The following MYO16 variants were observed in gnomAD, a reference collection of about 807,000 sequenced individuals.
The protein encoded by MYO16 is myosin XVI, also known as unconventional myosin-XVI.
MYO16 carries 94 observed loss-of-function variants against 205.3 expected under a neutral mutation model. The observed-to-expected ratio is 0.46, with a 90% CI of 0.39 to 0.54. MYO16 has a LOEUF of 0.54. MYO16 is among the 20% of genes least tolerant of loss of function. The probability of loss-of-function intolerance (pLI) is 0.00; values close to 1 mark genes in which losing one functional copy is unlikely to be tolerated. For synonymous variants in MYO16, 988 were observed against 954.0 expected, an observed-to-expected ratio of 1.04 and a Z score of -0.66; for missense variants, 2,315 against 2,387.5, an observed-to-expected ratio of 0.97 and a Z score of 0.63.
chr13:108,835,363 T>C (rs1439274449), intron 9 of MYO16, among the ~76,000 whole-genome samples: 1 of 152,204 alleles, frequency 6.6e-6, no homozygotes, highest in African/African-American at 2.4e-5. Context: ...CTGCAATTAT[T>C]GTAATTTTCC....
chr13:108,621,194 G>A lies in MYO16; in HGVS notation c.-39+24955G>A, dbSNP rs578192424. The stretch of plus-strand genomic sequence containing the variant: ...ATAATGCCATGCATTTTCTAGTGTA[G>A]TCTCTGTAATTCTGTTTCCCAGTGT... On this transcript the variant is annotated intron_variant, in intron 1 of 24. Coordinates refer to the MYO16 transcript ENST00000251041. Among the ~76,000 whole-genome samples, 5 of 152,146 alleles carry A rather than the reference G, an allele frequency of 3.3e-5. No individual in the cohort carries two copies. The South Asian group carries it at 1.0e-3, about 32-fold the overall frequency.
the MYO16 span, among the ~76,000 whole-genome samples, chr13:108,534,120 G>A: frequency 6.6e-6 from 1 of 152,116 alleles, no homozygotes; most frequent in Non-Finnish European, 1.5e-5. Context: ...TCAAGTTCTG[G>A]TTTAACATTT....
chr13:108,693,265 T>G (rs1190077965), intron 2 of MYO16, among the ~76,000 whole-genome samples: 3 of 152,218 alleles, frequency 2.0e-5, no homozygotes, highest in Admixed American at 6.5e-5. Context: ...TTGACCATTT[T>G]GAAGTGTATA....
intron 22 of MYO16, among the ~76,000 whole-genome samples, chr13:109,017,629 A>T (rs543034676): frequency 1.3e-5 from 2 of 152,268 alleles, no homozygotes; most frequent in East Asian, 3.9e-4. Flanking sequence ...CTTGTCACAT[A>T]GTCCCATATT....
the MYO16 span, among the ~76,000 whole-genome samples, chr13:108,497,042 G>T: frequency 1.3e-5 from 2 of 152,156 alleles, no homozygotes; most frequent in East Asian, 1.9e-4. Context: ...TTTGTCATGT[G>T]TTCTTGGGAC....
chr13:108,912,849 A>G (rs1881327095), intron 16 of MYO16, among the ~76,000 whole-genome samples: 2 of 152,064 alleles, frequency 1.3e-5, no homozygotes, highest in Non-Finnish European at 2.9e-5. Context: ...GTGTGTGTGC[A>G]CGTGGGTATG....
rs1026140141 is a variant in MYO16 at position 109,015,269 on chromosome 13, G to A, written c.2596-4442G>A. 2.0e-5 allele frequency among the ~76,000 whole-genome samples: 3 copies of A among 152,114 alleles called. No individual in the cohort carries two copies. In the East Asian group the frequency reaches 5.8e-4, roughly 29 times the overall value. On this transcript the variant is annotated intron_variant, in intron 22 of 34. Coordinates refer to ENST00000457511, the MANE Select transcript of MYO16 (RefSeq NM_001198950.3). ...GTTTATGTGATGGATTACGTTTATCGATTTGTGTATGTTGAACCAGTCTTG... is the reference window on the plus strand; with the variant it reads ...GTTTATGTGATGGATTACGTTTATCAATTTGTGTATGTTGAACCAGTCTTG...
At position 109,139,282 on chromosome 13, in the gene MYO16, A is replaced by G. The variant is rs190084590; in HGVS notation, c.4052-982A>G. On this transcript the variant is annotated intron_variant, in intron 31 of 34. Transcript: ENST00000457511. ...TCACATCATTTAAATAATCACGCTT[A>G]CCCATTTCCGACAGTAAGCTTTCAT... is the stretch of plus-strand genomic sequence containing the variant. 7.9e-4 allele frequency among the ~76,000 whole-genome samples: 121 copies of G among 152,252 alleles called. 1 individual carries two copies. The highest frequency in any genetic ancestry group is 2.7e-3 in the African/African-American group (111 of 41,544).
At chr13:108,834,373 A>G (rs1463685109) in intron 9 of MYO16, among the ~76,000 whole-genome samples, 1 of 152,194 alleles carries the variant, frequency 6.6e-6, no homozygotes, top group African/African-American at 2.4e-5. Context: ...CTCCCAGGTC[A>G]TAAAGACATT....
chr13:109,044,894 T>C (rs903783753), intron 23 of MYO16, among the ~76,000 whole-genome samples: 1 of 152,182 alleles, frequency 6.6e-6, no homozygotes, highest in Non-Finnish European at 1.5e-5. Flanking sequence ...TTCACTGTAT[T>C]GGTCAGGCTG....
At chr13:108,974,356 C>G (rs1594439282) in intron 20 of MYO16, among the ~76,000 whole-genome samples, 2 of 152,086 alleles carry the variant, frequency 1.3e-5, no homozygotes, top group East Asian at 3.9e-4. Flanking sequence ...AGGTCAAGGT[C>G]TAATGTGGGA....
At chr13:108,926,329 A>T (rs1225277905) in intron 16 of MYO16, among the ~76,000 whole-genome samples, 3 of 152,192 alleles carry the variant, frequency 2.0e-5, no homozygotes, top group African/African-American at 4.8e-5. Flanking sequence ...ATTGTATTTG[A>T]AGTACAATGC....
At chr13:108,989,103 G>T (rs1203501393) in intron 20 of MYO16, among the ~76,000 whole-genome samples, 1 of 152,094 alleles carries the variant, frequency 6.6e-6, no homozygotes, top group African/African-American at 2.4e-5. Context: ...TATAATACTA[G>T]TATAGAACAT....
At chr13:109,008,729 A>G (rs564226730) in intron 21 of MYO16, among the ~76,000 whole-genome samples, 168 bp from the exon 22 acceptor site, 5,883 of 142,720 alleles carry the variant, frequency 0.041, 178 homozygotes, top group African/African-American at 0.063. Context: ...CTACTGTACT[A>G]TCTATCTTGT....
intron 27 of MYO16, among the ~76,000 whole-genome samples, chr13:109,058,852 T>C (rs1287366039): frequency 1.3e-5 from 2 of 152,232 alleles, no homozygotes; most frequent in African/African-American, 2.4e-5. Flanking sequence ...GTCAATCTTC[T>C]GAACTCTTAC....
intron 1 of MYO16, among the ~76,000 whole-genome samples, chr13:108,624,361 C>T (rs1035125618): frequency 6.6e-6 from 1 of 152,130 alleles, no homozygotes; most frequent in Non-Finnish European, 1.5e-5. Context: ...TTGCAGTATA[C>T]TATTTATTCC....
chr13:109,039,538 G>A (rs958844177), intron 23 of MYO16, among the ~76,000 whole-genome samples: 4 of 152,048 alleles, frequency 2.6e-5, no homozygotes, highest in Admixed American at 6.6e-5. Flanking sequence ...AATCAATAAC[G>A]GGAAGAAAAC....
intron 20 of MYO16, among the ~76,000 whole-genome samples, chr13:108,973,385 T>C (rs1450939846): frequency 1.3e-5 from 2 of 152,216 alleles, no homozygotes; most frequent in Non-Finnish European, 2.9e-5. Flanking sequence ...GGTTATTATT[T>C]GTTTAATTCA....
chr13:109,151,273 G>A (rs962349910), intron 32 of MYO16, among the ~76,000 whole-genome samples: 5 of 152,108 alleles, frequency 3.3e-5, no homozygotes, highest in Admixed American at 1.3e-4. Context: ...GAGCTTCTCA[G>A]GCCTTTACTG....
Sources: allele counts gnomAD v4.1 joint callset (sites outside exome capture counted in the v4.1 genomes callset), GRCh38; gene constraint gnomAD v4.1.1; transcripts MANE v1.5; gene names NCBI Gene and HGNC (gene_info 2026-07-23, HGNC 2026-07-21).